DCAF8L2: variants seen among roughly 807,000 people sequenced by gnomAD.
DCAF8L2 encodes DDB1 and CUL4 associated factor 8 like 2, also known as DDB1- and CUL4-associated factor 8-like protein 2.
For synonymous variants in DCAF8L2, 200 were observed against 190.9 expected (o/e 1.05, Z -0.39); for missense variants, 430 against 490.7 (o/e 0.88, Z 1.17).
intron 3 of DCAF8L2, among the ~76,000 whole-genome samples, chrX:27,688,668 A>G (rs1475216377): frequency 8.9e-6 from 1 of 111,744 alleles, no homozygotes; most frequent in Non-Finnish European, 1.9e-5. Context: ...TTCTATAACT[A>G]TCTCTTGTGA....
At chrX:27,560,011 T>C in the DCAF8L2 span, among the ~76,000 whole-genome samples, 1 of 110,904 alleles carries the variant, frequency 9.0e-6, no homozygotes, top group African/African-American at 3.3e-5. Flanking sequence ...CTCATGCCTG[T>C]AATCCCAGCA....
intron 1 of DCAF8L2, among the ~76,000 whole-genome samples, chrX:27,598,408 C>G (rs1043596364): frequency 5.1e-4 from 57 of 112,161 alleles, no homozygotes; most frequent in African/African-American, 1.6e-3. Context: ...AGCTGCTTAT[C>G]CCTCCTCTAC....
chrX:27,541,980 A>G, the DCAF8L2 span, among the ~76,000 whole-genome samples: 1 of 111,935 alleles, frequency 8.9e-6, no homozygotes, highest in African/African-American at 3.3e-5. Flanking sequence ...TTCACTTAGG[A>G]TAACCGCCTC....
intron 3 of DCAF8L2, among the ~76,000 whole-genome samples, chrX:27,683,101 GT>G (rs1271963340): frequency 9.0e-6 from 1 of 111,394 alleles, no homozygotes; most frequent in Non-Finnish European, 1.9e-5. Flanking sequence ...CTTCTATAAA[GT>G]TTTGTCCTCC....
intron 1 of DCAF8L2, among the ~76,000 whole-genome samples, chrX:27,598,811 GTAATTAT>G (rs755775764): frequency 1.3e-3 from 143 of 109,775 alleles, no homozygotes; most frequent in Non-Finnish European, 1.6e-3. Flanking sequence ...AACTACCTTG[GTAATTAT>G]TAATAATTCC....
intron 2 of DCAF8L2, among the ~76,000 whole-genome samples, chrX:27,653,154 T>C (rs1179264456): frequency 8.9e-6 from 1 of 111,967 alleles, no homozygotes; most frequent in Admixed American, 9.6e-5. Flanking sequence ...AGTTGCTATT[T>C]AGAGAGTCAA....
At chrX:27,500,892 T>C in the DCAF8L2 span, among the ~76,000 whole-genome samples, 2 of 111,185 alleles carry the variant, frequency 1.8e-5, no homozygotes, top group South Asian at 3.8e-4. Context: ...AGAGTTAACA[T>C]TGAGAGAAGG....
In DCAF8L2 at chrX:27,590,425, A is replaced by C. The variant is rs1926016457; in HGVS notation, c.-357A>C. ...ACTGTTCAAATGCAGAGGAAGGCGA[A>C]TGACTCGAGTCTATGGTATGTAATC... On this transcript the variant is annotated 5_prime_UTR_variant, in exon 1 of 5. It removes an upstream start codon present in the reference 5' UTR. Transcript: ENST00000451261. The C allele has an allele frequency of 9.0e-6, 1 of 111,719 alleles. No homozygotes were observed. Among genetic ancestry groups the C allele is most frequent in the Non-Finnish European group, 1.9e-5 (1 of 53,176 alleles). The allele number at this position is 111,719 out of a possible 1,213,427, so 9.2% of individuals were successfully genotyped here. A position where few individuals can be genotyped will look rare whatever the true frequency, so the allele number is the denominator to read the frequency against.
chrX:27,667,819 C>A (rs1051766109), intron 2 of DCAF8L2, among the ~76,000 whole-genome samples: 3 of 112,242 alleles, frequency 2.7e-5, no homozygotes, highest in Non-Finnish European at 5.6e-5. Context: ...CATTACCATA[C>A]TGATTAATTT....
chrX:27,540,859 A>T, the DCAF8L2 span, among the ~76,000 whole-genome samples: 16 of 112,181 alleles, frequency 1.4e-4, no homozygotes, highest in South Asian at 5.9e-3. Context: ...TACAATTATT[A>T]TGTGTTAATT....
chrX:27,526,768 G>C, the DCAF8L2 span, among the ~76,000 whole-genome samples: 1 of 112,787 alleles, frequency 8.9e-6, no homozygotes, highest in Non-Finnish European at 1.9e-5. Context: ...CTGCAGGTCT[G>C]TTGGAGTTTG....
At chrX:27,698,385 G>T (rs1931006531) in intron 3 of DCAF8L2, among the ~76,000 whole-genome samples, 1 of 111,627 alleles carries the variant, frequency 9.0e-6, no homozygotes, top group Non-Finnish European at 1.9e-5. Context: ...AATGTCTCTT[G>T]CCTTTGGCAT....
the DCAF8L2 span, among the ~76,000 whole-genome samples, chrX:27,522,292 G>T: frequency 2.7e-5 from 3 of 112,232 alleles, no homozygotes; most frequent in African/African-American, 9.7e-5. Context: ...CTCCCAAAGT[G>T]CTAGGATTAC....
chrX:27,502,327 AAAAAAAAAATATATATATATATATATAT>A, the DCAF8L2 span, among the ~76,000 whole-genome samples: 1 of 32,989 alleles, frequency 3.0e-5, no homozygotes, highest in African/African-American at 1.3e-4. Flanking sequence ...TAAAAAAAAA[AAAAAAAAAATATATATATATATATATAT>A]ATATATATAT....
chrX:27,748,482 G>T lies in DCAF8L2; in HGVS notation c.1587G>T (p.Ala529=). ...CCCACCCTTACCTACCTGTGTTGGC[G>T]TGCAGTGGCCTAGATCATGATGTCA... ...LEPHPYLPVL[A]CSGLDHDVKI... is the part of the protein sequence containing the mutation. Residue 529 remains alanine (A), a synonymous_variant, in exon 5 of 5, where the codon GCG becomes GCT. Coordinates refer to ENST00000451261, the MANE Select transcript of DCAF8L2 (RefSeq NM_001353450.2). 1.7e-6 allele frequency: 2 copies of T among 1,209,725 alleles called. No individual in the cohort carries two copies. The highest frequency in any genetic ancestry group is 1.8e-5 in the South Asian group (1 of 56,726).
chrX:27,652,024 TATTA>T (rs773765231), intron 2 of DCAF8L2, among the ~76,000 whole-genome samples: 50 of 110,122 alleles, frequency 4.5e-4, no homozygotes, highest in South Asian at 7.6e-4. Flanking sequence ...ATGGAGATAC[TATTA>T]ATTAATATTG....
At chrX:27,473,434 T>C in the DCAF8L2 span, among the ~76,000 whole-genome samples, 1 of 111,166 alleles carries the variant, frequency 9.0e-6, no homozygotes, top group Admixed American at 9.6e-5. Flanking sequence ...TTTTTTTTTT[T>C]CTTTGCCTTT....
intron 2 of DCAF8L2, among the ~76,000 whole-genome samples, chrX:27,677,486 G>A (rs1930179835): frequency 8.9e-6 from 1 of 111,877 alleles, no homozygotes; most frequent in South Asian, 3.7e-4. Context: ...TGGTGATGAA[G>A]AATGGAGGAT....
the DCAF8L2 span, among the ~76,000 whole-genome samples, chrX:27,539,278 T>TG: frequency 0.028 from 3,140 of 111,801 alleles, 110 homozygotes; most frequent in African/African-American, 0.096. Context: ...GGGGTTTTCT[T>TG]GGGGGGAAGA....
Sources: allele counts gnomAD v4.1 joint callset (sites outside exome capture counted in the v4.1 genomes callset), GRCh38; gene constraint gnomAD v4.1.1; transcripts MANE v1.5; gene names NCBI Gene and HGNC (gene_info 2026-07-23, HGNC 2026-07-21).